The following FRMPD4 variants were observed in gnomAD, a reference collection of about 807,000 sequenced individuals.
FRMPD4 encodes FERM and PDZ domain containing 4.
FRMPD4 carries 22 observed loss-of-function variants against 94.1 expected under a neutral mutation model. That is an observed-to-expected ratio of 0.23 (90% CI 0.17 to 0.33). FRMPD4 has a LOEUF of 0.33. FRMPD4 is among the 10% of genes least tolerant of loss of function. The pLI is 1.00. For synonymous variants in FRMPD4, 631 were observed against 548.6 expected, an observed-to-expected ratio of 1.15 and a Z score of -2.10; for missense variants, 1,111 against 1,339.9, an observed-to-expected ratio of 0.83 and a Z score of 2.67.
intron 6 of FRMPD4, among the ~76,000 whole-genome samples, chrX:12,685,614 A>T (rs776082784): frequency 9.0e-6 from 1 of 110,780 alleles, no homozygotes; most frequent in African/African-American, 3.3e-5. Context: ...CATTTAATAG[A>T]GTTCCCTTGG....
At chrX:12,681,696 TAC>T (rs35651585) in intron 5 of FRMPD4, among the ~76,000 whole-genome samples, 2,136 of 103,586 alleles carry the variant, frequency 0.021, 51 homozygotes, top group African/African-American at 0.069. Flanking sequence ...CCATCCAGGA[TAC>T]ACACACACAC....
chrX:12,347,750 A>G (rs996483002), intron 1 of FRMPD4, among the ~76,000 whole-genome samples: 1 of 111,844 alleles, frequency 8.9e-6, no homozygotes, highest in Non-Finnish European at 1.9e-5. Flanking sequence ...CAGTTCATTT[A>G]AATTATTATT....
At chrX:11,961,614 G>A (rs1051217987) in intron 3 of FRMPD4, among the ~76,000 whole-genome samples, 1 of 112,066 alleles carries the variant, frequency 8.9e-6, no homozygotes, top group African/African-American at 3.2e-5. Flanking sequence ...GACACTGAGA[G>A]TTCAGATCCA....
chrX:12,256,024 G>A (rs2054109570), intron 1 of FRMPD4, among the ~76,000 whole-genome samples: 1 of 112,284 alleles, frequency 8.9e-6, no homozygotes, highest in South Asian at 3.7e-4. Context: ...AGGTGCACAG[G>A]CTAGGATCTA....
At chrX:12,315,069 A>C (rs1333111293) in intron 1 of FRMPD4, among the ~76,000 whole-genome samples, 2 of 111,861 alleles carry the variant, frequency 1.8e-5, no homozygotes, top group Non-Finnish European at 3.8e-5. Context: ...ACCATTTTGC[A>C]TGTCATATTT....
At chrX:12,694,292 G>T in intron 8 of FRMPD4, 43 bp from the exon 9 acceptor site, 1 of 1,150,784 alleles carries the variant, frequency 8.7e-7, no homozygotes, top group Non-Finnish European at 1.2e-6. Flanking sequence ...CCATTTCTCA[G>T]TCAGCACTGA....
chrX:12,538,814 T>C (rs1268554600), intron 2 of FRMPD4, among the ~76,000 whole-genome samples: 1 of 111,174 alleles, frequency 9.0e-6, no homozygotes, highest in African/African-American at 3.3e-5. Context: ...TACGTCACCA[T>C]CATCAAAGAC....
intron 1 of FRMPD4, among the ~76,000 whole-genome samples, chrX:12,358,290 G>T (rs1188369181): frequency 1.8e-5 from 2 of 110,915 alleles, no homozygotes; most frequent in East Asian, 5.7e-4. Context: ...GTATAGACAA[G>T]GAATAAATTA....
chrX:12,094,519 A>G (rs1387460294), intron 3 of FRMPD4, among the ~76,000 whole-genome samples: 1 of 112,032 alleles, frequency 8.9e-6, no homozygotes, highest in Non-Finnish European at 1.9e-5. Flanking sequence ...CTTGCAGTCC[A>G]TGGGCTGCCA....
chrX:12,716,464 C>T lies in FRMPD4; in HGVS notation c.2005C>T (p.Leu669Phe), dbSNP rs1362105928. 1 of 1,207,897 alleles carries T rather than the reference C, an allele frequency of 8.3e-7. No individual in the cohort carries two copies. Among genetic ancestry groups the T allele is most frequent in the African/African-American group, 1.8e-5 (1 of 56,624 alleles). Residue 669 changes from leucine (L) to phenylalanine (F), a missense_variant, in exon 15 of 17, where the codon CTT becomes TTT. Physicochemically the swap from Leu to Phe is conservative, Grantham distance 22. This residue lies in a region of FRMPD4 where 192 missense variants were observed against 192.5 expected (regional missense o/e 1.00). Transcript: ENST00000675598. ...GGATGATGGTATTAGTCCCCCAACCCTTGGCTATGAAACGCTACTAGATGA... is the reference window on the plus strand; with the variant it reads ...GGATGATGGTATTAGTCCCCCAACCTTTGGCTATGAAACGCTACTAGATGA... The part of the protein sequence containing the change: ...ALDDGISPPT[L>F]GYETLLDEGP...
intron 1 of FRMPD4, among the ~76,000 whole-genome samples, chrX:12,456,843 T>G (rs773060739): frequency 1.8e-5 from 2 of 112,800 alleles, no homozygotes; most frequent in South Asian, 7.3e-4. Flanking sequence ...CTATTTAGAT[T>G]GTGCTTAAAA....
chrX:11,948,090 CAAA>C (rs11367252), intron 3 of FRMPD4, among the ~76,000 whole-genome samples: 69 of 56,544 alleles, frequency 1.2e-3, no homozygotes, highest in East Asian at 9.9e-3. Context: ...AACTCCATCA[CAAA>C]AAAAAAAAAA....
At position 12,390,331 on chromosome X, in the gene FRMPD4, C is replaced by T. The variant is rs754111955; in HGVS notation, c.42-108349C>T. Among the ~76,000 whole-genome samples the T allele has an allele frequency of 9.8e-5, 11 of 112,420 alleles. No homozygotes were observed. The East Asian group carries it at 1.4e-3, about 14-fold the overall frequency. On this transcript the variant is annotated intron_variant, in intron 1 of 16. Transcript: ENST00000675598. ...TGCAGATATGAAGTTTTTCTGTTTA[C>T]TTGGTCATGATCCCTTTTAACCAGC...
In FRMPD4 at chrX:12,078,954, C is replaced by T. The variant is rs374081454; in HGVS notation, c.95+200936C>T. 1.3e-4 allele frequency among the ~76,000 whole-genome samples: 15 copies of T among 111,521 alleles called. No homozygotes were observed. The East Asian group carries it at 1.7e-3, about 13-fold the overall frequency. ...AGGTTTCCATTAAGGAGACAGTGGG[C>T]GTCTCTTGATTGCAGTAAAATCCAT... On this transcript the variant is annotated intron_variant, in intron 3 of 18. Transcript: ENST00000640291.
At chrX:12,681,711 ACACACACGCACG>A (rs754523396) in intron 5 of FRMPD4, among the ~76,000 whole-genome samples, 2 of 110,227 alleles carry the variant, frequency 1.8e-5, no homozygotes, top group Middle Eastern at 4.2e-3. Context: ...ACACACACAC[ACACACACGCACG>A]CACACACACG....
At chrX:11,846,392 A>C (rs1166123905) in intron 1 of FRMPD4, among the ~76,000 whole-genome samples, 4 of 111,229 alleles carry the variant, frequency 3.6e-5, no homozygotes, top group African/African-American at 1.3e-4. Context: ...GATACAAAGA[A>C]ATGGAAGAAC....
At chrX:12,618,929 C>T (rs758891992) in intron 4 of FRMPD4, among the ~76,000 whole-genome samples, 1 of 111,851 alleles carries the variant, frequency 8.9e-6, no homozygotes, top group Admixed American at 9.5e-5. Context: ...AGAATGCTGT[C>T]TCTCTTCCTC....
At chrX:12,585,262 T>G (rs892608598) in intron 2 of FRMPD4, among the ~76,000 whole-genome samples, 1 of 108,317 alleles carries the variant, frequency 9.2e-6, no homozygotes, top group African/African-American at 3.4e-5. Context: ...TGCTCTGTCA[T>G]CCAGGCTGGA....
At chrX:12,001,708 G>A (rs1209177943) in intron 3 of FRMPD4, among the ~76,000 whole-genome samples, 2 of 111,739 alleles carry the variant, frequency 1.8e-5, no homozygotes, top group Non-Finnish European at 3.8e-5. Context: ...CCCAACTAGA[G>A]GCTTGCTAGA....
Sources: gnomAD v4.1 joint callset for allele counts (sites outside exome capture counted in the v4.1 genomes callset) on GRCh38, gnomAD v4.1.1 for gene constraint, gnomAD v4.1.1 regional missense constraint, MANE v1.5 for transcripts, NCBI Gene and HGNC (gene_info 2026-07-23, HGNC 2026-07-21) for gene names.